The following IL1RAP variants were observed in gnomAD, a reference collection of about 807,000 sequenced individuals.
IL1RAP encodes interleukin-1 receptor accessory protein.
Under a neutral mutation model 60.7 loss-of-function variants are expected in IL1RAP, and 35 were observed. That is an observed-to-expected ratio of 0.58 (90% CI 0.44 to 0.76). The LOEUF (loss-of-function observed/expected upper bound fraction) is 0.76, where lower values mean the gene tolerates loss of function less well. IL1RAP is among the 30% of genes least tolerant of loss of function. IL1RAP has a pLI of 0.00. For missense variants in IL1RAP, 572 were observed against 693.9 expected, an observed-to-expected ratio of 0.82 and a Z score of 1.97; for synonymous variants, 268 against 250.9, an observed-to-expected ratio of 1.07 and a Z score of -0.64.
chr3:190,547,449 ACCT>A (rs1178108130), intron 1 of IL1RAP, among the ~76,000 whole-genome samples: 1 of 151,882 alleles, frequency 6.6e-6, no homozygotes, highest in Non-Finnish European at 1.5e-5. Flanking sequence ...ACTCACACAG[ACCT>A]CCTCAGTGTT....
chr3:190,612,637 T>A (rs1032082532), intron 5 of IL1RAP, among the ~76,000 whole-genome samples: 1 of 152,216 alleles, frequency 6.6e-6, no homozygotes, highest in African/African-American at 2.4e-5. Flanking sequence ...TTACTATGGT[T>A]TGACTTAAGA....
intron 5 of IL1RAP, among the ~76,000 whole-genome samples, chr3:190,610,824 A>G (rs1730758458): frequency 6.6e-6 from 1 of 152,150 alleles, no homozygotes; most frequent in Non-Finnish European, 1.5e-5. Flanking sequence ...TTGGGAGTCA[A>G]CTTGAAGAGT....
intron 1 of IL1RAP, among the ~76,000 whole-genome samples, chr3:190,526,376 T>C (rs1722513850): frequency 6.6e-6 from 1 of 152,226 alleles, no homozygotes; most frequent in South Asian, 2.1e-4. Context: ...AAAGTAAACC[T>C]GCACATTTAT....
At chr3:190,604,522 G>A in intron 4 of IL1RAP, 109 bp downstream of exon 4, 1 of 1,131,268 alleles carries the variant, frequency 8.8e-7, no homozygotes, top group Non-Finnish European at 1.2e-6. Context: ...CATTTAGATA[G>A]AGTTTAGTGA....
intron 3 of IL1RAP, among the ~76,000 whole-genome samples, chr3:190,565,942 A>G (rs563963611): frequency 1.3e-5 from 2 of 151,814 alleles, no homozygotes; most frequent in African/African-American, 4.8e-5. Context: ...CTGATATTAT[A>G]TTAGCCTTCT....
intron 1 of IL1RAP, among the ~76,000 whole-genome samples, chr3:190,545,227 T>G (rs1260512081): frequency 6.6e-6 from 1 of 152,236 alleles, no homozygotes. Context: ...ATGCCGATGT[T>G]GCTGACCCTG....
intron 3 of IL1RAP, among the ~76,000 whole-genome samples, chr3:190,579,205 A>G (rs1224363431): frequency 6.6e-6 from 1 of 152,216 alleles, no homozygotes; most frequent in Non-Finnish European, 1.5e-5. Context: ...CATGTGTTAA[A>G]TTAATACTTC....
intron 3 of IL1RAP, among the ~76,000 whole-genome samples, chr3:190,600,935 C>T (rs143739980): frequency 6.4e-4 from 97 of 152,244 alleles, no homozygotes; most frequent in Admixed American, 3.7e-3. Context: ...TGTCTTTTCT[C>T]CTACTCTTGC....
chr3:190,553,753 GAGA>G (rs1725106554), intron 1 of IL1RAP, among the ~76,000 whole-genome samples: 1 of 152,216 alleles, frequency 6.6e-6, no homozygotes. Flanking sequence ...GTCTGAGGTT[GAGA>G]AGGTTTAGAA....
intron 4 of IL1RAP, 60 bp downstream of exon 4, chr3:190,604,473 G>A: frequency 6.5e-7 from 1 of 1,539,500 alleles, no homozygotes; most frequent in Non-Finnish European, 8.8e-7. Context: ...CTCTTTTCCG[G>A]ATGATCCGTG....
At chr3:190,594,120 T>C (rs1729180627) in intron 3 of IL1RAP, among the ~76,000 whole-genome samples, 1 of 152,196 alleles carries the variant, frequency 6.6e-6, no homozygotes, top group African/African-American at 2.4e-5. Flanking sequence ...CTAATTCCTT[T>C]CCAAGTTTAG....
At chr3:190,527,291 T>C (rs1722590102) in intron 1 of IL1RAP, among the ~76,000 whole-genome samples, 1 of 152,176 alleles carries the variant, frequency 6.6e-6, no homozygotes. Flanking sequence ...TCTCATTCAA[T>C]CCTTACTGCA....
chr3:190,549,300 A>C (rs1300003349), intron 1 of IL1RAP, among the ~76,000 whole-genome samples: 2 of 152,142 alleles, frequency 1.3e-5, no homozygotes, highest in Non-Finnish European at 2.9e-5. Flanking sequence ...ACCCCTTTAC[A>C]CTTGACTGTC....
intron 2 of IL1RAP, among the ~76,000 whole-genome samples, chr3:190,556,690 A>C (rs1460337880): frequency 6.6e-6 from 1 of 152,154 alleles, no homozygotes; most frequent in Non-Finnish European, 1.5e-5. Flanking sequence ...AGTACACACA[A>C]AGTGTAGGGC....
Position 190,620,351 on chromosome 3 carries a change from C to A in IL1RAP, c.614C>A (p.Ser205Ter). 1 of 1,609,194 alleles carries A rather than the reference C, an allele frequency of 6.2e-7. No homozygotes were observed. The highest frequency in any genetic ancestry group is 8.5e-7 in the Non-Finnish European group (1 of 1,177,042). Residue 205 changes from serine to a stop codon, truncating the protein, a stop_gained, in exon 6 of 12, where the codon TCA becomes TAA. Transcript: ENST00000447382. LOFTEE classifies it high-confidence loss of function. Reference protein sequence around the residue: ...MNLSFLIALISNNGNYTCVVT... With the variant: ...MNLSFLIALI ...TTGAGTTTCCTCATTGCCTTAATTTCAAATAATGGAAATTACACATGTGTT... is the reference window on the plus strand; with the variant it reads ...TTGAGTTTCCTCATTGCCTTAATTTAAAATAATGGAAATTACACATGTGTT...
At chr3:190,626,663 C>G (rs1433812185) in intron 7 of IL1RAP, among the ~76,000 whole-genome samples, 1 of 140,586 alleles carries the variant, frequency 7.1e-6, no homozygotes, top group South Asian at 2.3e-4. Context: ...TTGTCAGAGA[C>G]CTTTTTTTTT....
intron 1 of IL1RAP, among the ~76,000 whole-genome samples, chr3:190,525,309 A>G (rs1379406564): frequency 6.6e-6 from 1 of 152,228 alleles, no homozygotes; most frequent in Non-Finnish European, 1.5e-5. Context: ...AGAAACTGAC[A>G]TTTGAACTAA....
chr3:190,556,736 GA>G (rs1382886330), intron 2 of IL1RAP, among the ~76,000 whole-genome samples: 4 of 152,160 alleles, frequency 2.6e-5, no homozygotes, highest in Non-Finnish European at 5.9e-5. Flanking sequence ...TGGTCAACTT[GA>G]ACCACGTAAT....
intron 4 of IL1RAP, among the ~76,000 whole-genome samples, chr3:190,608,672 C>T (rs1008789448): frequency 6.6e-6 from 1 of 152,096 alleles, no homozygotes; most frequent in Non-Finnish European, 1.5e-5. Context: ...ATGAAACCAC[C>T]ATCACATATG....
Sources: allele counts gnomAD v4.1 joint callset (sites outside exome capture counted in the v4.1 genomes callset), GRCh38; gene constraint gnomAD v4.1.1; transcripts MANE v1.5; gene names NCBI Gene and HGNC (gene_info 2026-07-23, HGNC 2026-07-21).